The following NUDT13 variants were observed in gnomAD, a reference collection of about 807,000 sequenced individuals.
NUDT13 encodes the protein NAD(P)H pyrophosphatase NUDT13, mitochondrial.
Under a neutral mutation model 41.7 loss-of-function variants are expected in NUDT13, and 40 were observed. That is an observed-to-expected ratio of 0.96 (90% CI 0.75 to 1.25). The LOEUF (loss-of-function observed/expected upper bound fraction) is 1.25. NUDT13 is among the 50% of genes most tolerant of loss of function. The probability of loss-of-function intolerance (pLI) is 0.00; values close to 1 mark genes in which losing one functional copy is unlikely to be tolerated. For synonymous variants in NUDT13, 145 were observed against 155.5 expected (o/e 0.93, Z 0.50); for missense variants, 390 against 416.1 (o/e 0.94, Z 0.55).
At position 73,123,902 on chromosome 10, in the gene NUDT13, A is replaced by AC. The variant is rs537669319; in HGVS notation, c.359-309dup. Among the ~76,000 whole-genome samples, 13 of 152,016 alleles carry AC rather than the reference A, an allele frequency of 8.6e-5. No homozygotes were observed. The East Asian group carries it at 2.1e-3, about 25-fold the overall frequency. On this transcript the variant is annotated intron_variant, in intron 4 of 8. Coordinates refer to ENST00000357321, the MANE Select transcript of NUDT13 (RefSeq NM_015901.6). ...TCGAACTCCTGACCTCAAGTGATTCACCCGCCTCGGCCTCCCAAAGTGCCG... is the reference window on the plus strand; with the variant it reads ...TCGAACTCCTGACCTCAAGTGATTCACCCCGCCTCGGCCTCCCAAAGTGCCG...
In NUDT13 at chr10:73,126,786, A is replaced by G. The variant is rs17658872; in HGVS notation, c.817A>G (p.Met273Val). The change falls in exon 8 of 9, where the codon ATG (methionine) becomes GTG (valine). Residue 273 changes from methionine (M) to valine (V), a missense_variant. Physicochemically the swap from Met to Val is conservative, Grantham distance 21. Coordinates refer to ENST00000357321, the MANE Select transcript of NUDT13 (RefSeq NM_015901.6). ...QHWPFPSGSL[M>V]IACHATVKPG... ...TTGGCCCTTCCCTAGTGGCTCACTC[A>G]TGATTGCTTGCCATGCAACTGTGAA... 22,124 of 1,614,120 alleles carry G rather than the reference A, an allele frequency of 0.014. 220 individuals are homozygous for G. Among genetic ancestry groups the G allele is most frequent in the Middle Eastern group, 0.038 (230 of 6,062 alleles).
chr10:73,126,608 A>G (rs1842787465), intron 7 of NUDT13, 65 bp from the exon 8 acceptor site: 3 of 1,562,016 alleles, frequency 1.9e-6, no homozygotes, highest in Admixed American at 1.9e-5. Context: ...ACCTTTCTCA[A>G]ATGGGCTGTC....
Position 73,126,658 on chromosome 10 carries a change from T to A in NUDT13, c.704-15T>A. 1 of 1,613,862 alleles carries A rather than the reference T, an allele frequency of 6.2e-7. No individual in the cohort carries two copies. Among genetic ancestry groups the A allele is most frequent in the Non-Finnish European group, 8.5e-7 (1 of 1,179,878 alleles). On this transcript the variant is annotated splice_polypyrimidine_tract_variant and intron_variant, in intron 7 of 8. Transcript: ENST00000357321. ...AGCCTACAGGGCTGTCCTGAATTAATCTGAGTGCTTGTAGGTGAAAGTGTG... is the reference window on the plus strand; with the variant it reads ...AGCCTACAGGGCTGTCCTGAATTAAACTGAGTGCTTGTAGGTGAAAGTGTG...
At chr10:73,130,507 T>C (rs540825302) in intron 8 of NUDT13, 196 bp from the exon 9 acceptor site, 31 of 432,828 alleles carry the variant, frequency 7.2e-5, no homozygotes, top group Non-Finnish European at 1.2e-4. Context: ...CACACACACA[T>C]ATAAAACTCT....
intron 3 of NUDT13, 124 bp from the exon 4 acceptor site, chr10:73,122,051 T>C (rs1842656394): frequency 2.7e-6 from 3 of 1,098,450 alleles, no homozygotes; most frequent in South Asian, 1.5e-5. Context: ...TTAGCTGCAG[T>C]TGGAAGCCAA....
At chr10:73,121,813 C>G (rs1007149226) in intron 3 of NUDT13, among the ~76,000 whole-genome samples, 1 of 152,178 alleles carries the variant, frequency 6.6e-6, no homozygotes, top group Non-Finnish European at 1.5e-5. Flanking sequence ...CCCTGCCCCC[C>G]AGCCTTGGTC....
At chr10:73,113,176 C>T (rs536117134) in intron 1 of NUDT13, among the ~76,000 whole-genome samples, 3 of 152,262 alleles carry the variant, frequency 2.0e-5, no homozygotes, top group East Asian at 1.9e-4. Flanking sequence ...CGTGAGCCAC[C>T]GCACCCAGCC....
rs5786099 is a variant in NUDT13, at chr10:73,114,339, C to CTTTTTTT, written c.-9-10_-9-4dup. ...CATATTATGACTTTTTTTAAAACTC[C>CTTTTTTT]TTTTTTTTTTTTTTAAGGACCTGAC... On this transcript the variant is annotated splice_polypyrimidine_tract_variant and intron_variant, in intron 1 of 8. Coordinates refer to ENST00000357321, the MANE Select transcript of NUDT13 (RefSeq NM_015901.6). 9.2e-7 allele frequency: 1 copy of CTTTTTTT among 1,081,226 alleles called. No individual in the cohort carries two copies. Among genetic ancestry groups the CTTTTTTT allele is most frequent in the Non-Finnish European group, 1.3e-6 (1 of 772,904 alleles). 67.0% of individuals were successfully genotyped at this position (1,081,226 alleles called of 1,614,324 possible). A position where few individuals can be genotyped will look rare whatever the true frequency, so the allele number is the denominator to read the frequency against.
chr10:73,115,871 T>A (rs1842494903), intron 2 of NUDT13, among the ~76,000 whole-genome samples: 1 of 152,174 alleles, frequency 6.6e-6, no homozygotes, highest in Non-Finnish European at 1.5e-5. Flanking sequence ...TGATAAAGAC[T>A]TTTTTGTCTT....
rs189543423 is a variant in NUDT13, at chr10:73,119,431, T to G, written c.84-587T>G. On this transcript the variant is annotated intron_variant, in intron 2 of 8. Transcript: ENST00000357321. The stretch of plus-strand genomic sequence containing the variant: ...AGTAAGGGTACATTGAAGGTAAAAT[T>G]TGTTCTTTATCTTCCCTAGATTGAA... 55 of 935,258 alleles carry G rather than the reference T, an allele frequency of 5.9e-5. No individual in the cohort carries two copies. In the East Asian group the frequency reaches 5.4e-3, roughly 91 times the overall value. The allele number at this position is 935,258 out of a possible 1,614,324, so 57.9% of individuals were successfully genotyped here.
At chr10:73,111,670 T>C (rs188217382) in intron 1 of NUDT13, among the ~76,000 whole-genome samples, 382 of 152,286 alleles carry the variant, frequency 2.5e-3, no homozygotes, top group African/African-American at 8.7e-3. Context: ...TCTGTGACCA[T>C]CAGCTCATGA....
intron 2 of NUDT13, among the ~76,000 whole-genome samples, chr10:73,116,733 C>T (rs1250976387): frequency 1.3e-5 from 2 of 151,820 alleles, no homozygotes. Context: ...TAGAGTGAGA[C>T]CCTGTCTCAA....
chr10:73,122,083 G>A (rs2133217325), intron 3 of NUDT13, 92 bp from the exon 4 acceptor site: 2 of 1,414,916 alleles, frequency 1.4e-6, no homozygotes, highest in South Asian at 1.4e-5. Flanking sequence ...TTAAGCTGAA[G>A]TAGATGATTT....
rs2133225819 is a variant in NUDT13, at chr10:73,125,529, T to C, written c.703+20T>C. The C allele has an allele frequency of 1.4e-6, 2 of 1,452,560 alleles. No homozygotes were observed. Among genetic ancestry groups the C allele is most frequent in the Non-Finnish European group, 9.5e-7 (1 of 1,052,822 alleles). 90.0% of individuals were successfully genotyped at this position (1,452,560 alleles called of 1,614,324 possible). On this transcript the variant is annotated intron_variant, in intron 7 of 8. Transcript: ENST00000357321. ...ATATAGGTGAGGAGTTTAGGGGATA[T>C]ACAGGTGACACTGGAAGATATACAA...
At chr10:73,129,278 T>C (rs897370362) in intron 8 of NUDT13, among the ~76,000 whole-genome samples, 1 of 147,256 alleles carries the variant, frequency 6.8e-6, no homozygotes, top group Non-Finnish European at 1.5e-5. Flanking sequence ...GTTCAAGCAA[T>C]TCTCCTGCCT....
At chr10:73,129,893 T>C (rs918356537) in intron 8 of NUDT13, among the ~76,000 whole-genome samples, 9 of 151,108 alleles carry the variant, frequency 6.0e-5, no homozygotes, top group African/African-American at 2.2e-4. Context: ...GGCAGGAGAA[T>C]CATTTGAACC....
chr10:73,119,999 G>T lies in NUDT13; in HGVS notation c.84-19G>T. The stretch of plus-strand genomic sequence containing the variant: ...ACTAAGGGTGGTTTTGTAATGGTTT[G>T]ATTATTTCCCAAATACAGGTATTTA... On this transcript the variant is annotated intron_variant, in intron 2 of 8. Transcript: ENST00000357321. 1 of 1,613,834 alleles carries T rather than the reference G, an allele frequency of 6.2e-7. No homozygotes were observed. The highest frequency in any genetic ancestry group is 1.1e-5 in the South Asian group (1 of 91,050).
intron 2 of NUDT13, among the ~76,000 whole-genome samples, chr10:73,119,685 G>A (rs1842596418): frequency 6.6e-6 from 1 of 152,134 alleles, no homozygotes; most frequent in African/African-American, 2.4e-5. Context: ...ATTGAATCGA[G>A]CCATTCAATA....
intron 4 of NUDT13, among the ~76,000 whole-genome samples, chr10:73,122,651 AG>A (rs1489577110): frequency 6.6e-6 from 1 of 151,968 alleles, no homozygotes; most frequent in East Asian, 1.9e-4. Flanking sequence ...AGCTCACTGC[AG>A]CCTTGACCTC....
Sources: gnomAD v4.1 joint callset for allele counts (sites outside exome capture counted in the v4.1 genomes callset) on GRCh38, gnomAD v4.1.1 for gene constraint, MANE v1.5 for transcripts, NCBI Gene and HGNC (gene_info 2026-07-23, HGNC 2026-07-21) for gene names.